The following RAP1GAP2 variants were observed in gnomAD, a reference collection of about 807,000 sequenced individuals.
RAP1GAP2 encodes the protein RAP1 GTPase activating protein 2, also known as rap1 GTPase-activating protein 2.
Under a neutral mutation model 95.0 loss-of-function variants are expected in RAP1GAP2, and 27 were observed. That is an observed-to-expected ratio of 0.28 (90% CI 0.21 to 0.39). RAP1GAP2 has a LOEUF of 0.39. Among genes scored for constraint, RAP1GAP2 ranks in the 10% least tolerant of loss-of-function variants. The probability of loss-of-function intolerance (pLI) is 1.00; values close to 1 mark genes in which losing one functional copy is unlikely to be tolerated. For synonymous variants in RAP1GAP2, 373 were observed against 380.9 expected, an observed-to-expected ratio of 0.98 and a Z score of 0.24; for missense variants, 771 against 970.0, an observed-to-expected ratio of 0.79 and a Z score of 2.72.
At chr17:2,879,758 T>C (rs1482279625) in intron 2 of RAP1GAP2, among the ~76,000 whole-genome samples, 2 of 151,502 alleles carry the variant, frequency 1.3e-5, no homozygotes. Flanking sequence ...CTGCTTCCTG[T>C]TGGGTCCTCC....
chr17:2,818,282 C>T (rs917675987), intron 2 of RAP1GAP2, among the ~76,000 whole-genome samples: 4 of 151,496 alleles, frequency 2.6e-5, no homozygotes, highest in African/African-American at 9.7e-5. Flanking sequence ...TTTGTGTTTT[C>T]TCTCAGCCCA....
At chr17:2,993,374 C>A (rs2045838315) in intron 12 of RAP1GAP2, among the ~76,000 whole-genome samples, 1 of 150,646 alleles carries the variant, frequency 6.6e-6, no homozygotes, top group African/African-American at 2.4e-5. Flanking sequence ...GAGATTGAGA[C>A]CATCTTGGCC....
chr17:2,880,455 T>C (rs1043029946), intron 2 of RAP1GAP2, among the ~76,000 whole-genome samples: 16 of 150,342 alleles, frequency 1.1e-4, no homozygotes, highest in Admixed American at 2.0e-4. Context: ...CCTTCTTCTT[T>C]TTTTTTTTTT....
rs1273968147 is a variant in RAP1GAP2, at chr17:2,962,920, C to T, written c.246+206C>T. 2.4e-5 allele frequency: 14 copies of T among 578,616 alleles called. No individual in the cohort carries two copies. The South Asian group carries it at 3.2e-4, about 13-fold the overall frequency. 35.8% of individuals were successfully genotyped at this position (578,616 alleles called of 1,614,324 possible). On this transcript the variant is annotated intron_variant, in intron 5 of 24. Coordinates refer to ENST00000254695, the MANE Select transcript of RAP1GAP2 (RefSeq NM_015085.5). ...GTCCTGGCTTGATGCCTTAGGACAGCTTCAGAGCAGGCTGGGGGTGGAGGC... is the reference window on the plus strand; with the variant it reads ...GTCCTGGCTTGATGCCTTAGGACAGTTTCAGAGCAGGCTGGGGGTGGAGGC...
upstream of RAP1GAP2, among the ~76,000 whole-genome samples, chr17:2,793,718 CTCTT>C: frequency 6.6e-6 from 1 of 152,342 alleles, no homozygotes; most frequent in African/African-American, 2.4e-5. Flanking sequence ...TTAGGAATAA[CTCTT>C]TATTCGTACG....
chr17:2,782,209 C>G (rs984918445), intron 1 of RAP1GAP2, among the ~76,000 whole-genome samples: 1 of 152,182 alleles, frequency 6.6e-6, no homozygotes, highest in African/African-American at 2.4e-5. Context: ...TGCTTCTCCC[C>G]CTCTGGCTGT....
At position 2,847,357 on chromosome 17, in the gene RAP1GAP2, C is replaced by A. The variant is rs567310956; in HGVS notation, c.80+46807C>A. Among the ~76,000 whole-genome samples the A allele has an allele frequency of 4.6e-5, 7 of 152,274 alleles. No homozygotes were observed. In the East Asian group the frequency reaches 1.4e-3, roughly 29 times the overall value. On this transcript the variant is annotated intron_variant, in intron 2 of 24. Transcript: ENST00000254695. The stretch of plus-strand genomic sequence containing the variant: ...GCATTTGGAGGCGTTTGAGAGAAAT[C>A]TCTAGCTAGGGTCATTACAGTAACT...
At position 3,020,399 on chromosome 17, in the gene RAP1GAP2, T is replaced by G; in HGVS notation, c.1633-78T>G. The G allele has an allele frequency of 3.4e-6, 4 of 1,177,104 alleles. No homozygotes were observed. In the Admixed American group the frequency reaches 5.8e-5, roughly 17 times the overall value. 72.9% of individuals were successfully genotyped at this position (1,177,104 alleles called of 1,614,324 possible). A position where few individuals can be genotyped will look rare whatever the true frequency, so the allele number is the denominator to read the frequency against. On this transcript the variant is annotated intron_variant, in intron 18 of 24. Coordinates refer to ENST00000254695, the MANE Select transcript of RAP1GAP2 (RefSeq NM_015085.5). Reference sequence around the variant, plus strand: ...TCTCTTCCAGACCAGGAGCCATTTGTAGACCAGGGAGGAGGATGAGGGGAT... The same window carrying G: ...TCTCTTCCAGACCAGGAGCCATTTGGAGACCAGGGAGGAGGATGAGGGGAT...
At chr17:2,907,784 C>T (rs927893542) in intron 3 of RAP1GAP2, among the ~76,000 whole-genome samples, 1 of 152,086 alleles carries the variant, frequency 6.6e-6, no homozygotes, top group East Asian at 1.9e-4. Context: ...TCTCAGGTTC[C>T]ACCCCAGACC....
chr17:2,817,409 T>C (rs2070067151), intron 2 of RAP1GAP2, among the ~76,000 whole-genome samples: 1 of 122,846 alleles, frequency 8.1e-6, no homozygotes, highest in Admixed American at 7.8e-5. Flanking sequence ...TTTTTTGCTG[T>C]TGCGAATAAT....
intron 2 of RAP1GAP2, among the ~76,000 whole-genome samples, chr17:2,818,813 G>C (rs2151514370): frequency 6.6e-6 from 1 of 152,274 alleles, no homozygotes; most frequent in East Asian, 1.9e-4. Flanking sequence ...ACCTCAGGCA[G>C]GTTCCTTCAT....
chr17:3,007,086 T>C (rs2046366981), intron 16 of RAP1GAP2, among the ~76,000 whole-genome samples: 1 of 151,936 alleles, frequency 6.6e-6, no homozygotes, highest in Non-Finnish European at 1.5e-5. Flanking sequence ...GTAGACAGCA[T>C]GAGCAAAGGT....
At chr17:3,009,007 C>A (rs2046423633) in intron 17 of RAP1GAP2, among the ~76,000 whole-genome samples, 1 of 152,096 alleles carries the variant, frequency 6.6e-6, no homozygotes, top group African/African-American at 2.4e-5. Flanking sequence ...TGCTGGATTG[C>A]CTGTTAGAAG....
chr17:2,763,660 C>T (rs1281310024), intron 1 of RAP1GAP2, among the ~76,000 whole-genome samples: 1 of 151,994 alleles, frequency 6.6e-6, no homozygotes, highest in Non-Finnish European at 1.5e-5. Context: ...TGTACCACTG[C>T]ACTCCAGCCT....
intron 3 of RAP1GAP2, among the ~76,000 whole-genome samples, chr17:2,941,390 A>G (rs2043490563): frequency 1.3e-5 from 2 of 152,202 alleles, no homozygotes; most frequent in Non-Finnish European, 2.9e-5. Flanking sequence ...CCTGGGCAAC[A>G]GAGCAAGACT....
chr17:2,796,415 T>G (rs1405885596), upstream of RAP1GAP2: 7 of 1,221,298 alleles, frequency 5.7e-6, no homozygotes, highest in East Asian at 1.5e-4. The surrounding 1 kb of genome is among the most constrained non-coding windows in gnomAD (Gnocchi z 4.7). Context: ...GGTGCCACGC[T>G]GGGCTCCCCG....
intron 2 of RAP1GAP2, among the ~76,000 whole-genome samples, chr17:2,829,472 G>C (rs975386136): frequency 1.2e-4 from 19 of 152,032 alleles, no homozygotes; most frequent in African/African-American, 4.6e-4. Flanking sequence ...GGAGCCCATG[G>C]ACCCACCTCC....
chr17:2,948,032 C>G (rs1049021867), intron 3 of RAP1GAP2, among the ~76,000 whole-genome samples: 2 of 152,164 alleles, frequency 1.3e-5, no homozygotes, highest in Non-Finnish European at 2.9e-5. Flanking sequence ...AGCCTTGTCC[C>G]CTCCGTGTGT....
At chr17:2,862,866 G>A (rs1479575060) in intron 2 of RAP1GAP2, among the ~76,000 whole-genome samples, 2 of 151,856 alleles carry the variant, frequency 1.3e-5, no homozygotes, top group African/African-American at 4.8e-5. Flanking sequence ...GCGTGGTGGC[G>A]TGCGCCTGTA....
Sources: gnomAD v4.1 joint callset for allele counts (sites outside exome capture counted in the v4.1 genomes callset) on GRCh38, gnomAD v4.1.1 for gene constraint, Gnocchi (gnomAD v3.1) non-coding constraint, MANE v1.5 for transcripts, NCBI Gene and HGNC (gene_info 2026-07-23, HGNC 2026-07-21) for gene names.